ZNF609: variants seen among roughly 807,000 people sequenced by gnomAD.
ZNF609 encodes the protein zinc finger protein 609.
ZNF609 carries 11 observed loss-of-function variants against 109.5 expected under a neutral mutation model. The ratio of observed to expected loss-of-function variants is 0.10; its 90% confidence interval spans 0.06 to 0.17. The LOEUF (loss-of-function observed/expected upper bound fraction) is 0.17. Ranked by LOEUF, ZNF609 falls within the 10% of genes least tolerant of loss-of-function variation. ZNF609 has a pLI of 1.00. For synonymous variants in ZNF609, 646 were observed against 662.0 expected (o/e 0.98, Z 0.37); for missense variants, 1,559 against 1,772.4 (o/e 0.88, Z 2.16).
chr15:64,544,252 A>C (rs1425608667), intron 2 of ZNF609, among the ~76,000 whole-genome samples: 2 of 152,166 alleles, frequency 1.3e-5, no homozygotes, highest in Non-Finnish European at 2.9e-5. Flanking sequence ...AGGCAGGAGA[A>C]TCGCTTGAAC....
At chr15:64,587,379 C>T (rs969957843) in intron 2 of ZNF609, among the ~76,000 whole-genome samples, 1 of 34,340 alleles carries the variant, frequency 2.9e-5, no homozygotes, top group Non-Finnish European at 1.6e-4. Context: ...CCTAGCAGCA[C>T]AGTACCTATT....
chr15:64,591,103 CT>C (rs1388159981), intron 2 of ZNF609, among the ~76,000 whole-genome samples: 1 of 150,986 alleles, frequency 6.6e-6, no homozygotes, highest in African/African-American at 2.4e-5. Flanking sequence ...GGAGGCTGAG[CT>C]TGGGAGGATT....
chr15:64,529,075 C>T, intron 2 of ZNF609: 2 of 1,087,014 alleles, frequency 1.8e-6, no homozygotes, highest in East Asian at 2.4e-5. Context: ...GAGAGCCCTG[C>T]AGCCATCACG....
rs137986003 is a variant in ZNF609, at chr15:64,661,164, G to A, written c.974-9182G>A. On this transcript the variant is annotated intron_variant, in intron 3 of 9. Coordinates refer to ENST00000326648, the MANE Select transcript of ZNF609 (RefSeq NM_015042.2). Reference sequence around the variant, plus strand: ...TTTTGTAGAGACAGGGTTTCACCATGTTGGCCAGGCTGGTCTCGAACTCCT... The same window carrying A: ...TTTTGTAGAGACAGGGTTTCACCATATTGGCCAGGCTGGTCTCGAACTCCT... Among the ~76,000 whole-genome samples, 112 of 152,232 alleles carry A rather than the reference G, an allele frequency of 7.4e-4. No individual in the cohort carries two copies. In the East Asian group the frequency reaches 0.02, roughly 27 times the overall value.
chr15:64,489,931 G>A (rs1893388462), intron 1 of ZNF609, among the ~76,000 whole-genome samples: 1 of 151,734 alleles, frequency 6.6e-6, no homozygotes, highest in Admixed American at 6.6e-5. Context: ...ATTATGAGGG[G>A]AAGAGGCATG....
intron 1 of ZNF609, among the ~76,000 whole-genome samples, chr15:64,481,909 TG>T (rs1893259492): frequency 6.6e-6 from 1 of 152,072 alleles, no homozygotes; most frequent in Non-Finnish European, 1.5e-5. Context: ...CTCAGCCTCC[TG>T]AGTAGCTGGG....
chr15:64,530,732 A>G (rs1367782835), intron 2 of ZNF609, among the ~76,000 whole-genome samples: 2 of 152,248 alleles, frequency 1.3e-5, no homozygotes, highest in African/African-American at 4.8e-5. Context: ...GTAACTGCCA[A>G]GAGGTCTTCA....
At chr15:64,590,320 T>C (rs553484571) in intron 2 of ZNF609, among the ~76,000 whole-genome samples, 3 of 152,296 alleles carry the variant, frequency 2.0e-5, no homozygotes, top group South Asian at 4.1e-4. Flanking sequence ...TCTCTCTCTC[T>C]CTTTTGCTCT....
intron 2 of ZNF609, among the ~76,000 whole-genome samples, chr15:64,580,651 C>A (rs1281726154): frequency 6.6e-6 from 1 of 151,108 alleles, no homozygotes; most frequent in Non-Finnish European, 1.5e-5. Flanking sequence ...AAGTGATTCT[C>A]CTGCCTCAGC....
intron 2 of ZNF609, among the ~76,000 whole-genome samples, chr15:64,551,513 G>A (rs1225458878): frequency 2.0e-5 from 3 of 152,008 alleles, no homozygotes; most frequent in East Asian, 1.9e-4. Flanking sequence ...TTAGCTGGGC[G>A]TGGTAGTGCA....
At chr15:64,569,388 ATT>A (rs1894826377) in intron 2 of ZNF609, among the ~76,000 whole-genome samples, 1 of 152,234 alleles carries the variant, frequency 6.6e-6, no homozygotes, top group African/African-American at 2.4e-5. Flanking sequence ...CCTAATAAAT[ATT>A]TGTTGAATTA....
intron 1 of ZNF609, among the ~76,000 whole-genome samples, chr15:64,461,164 C>G (rs912686286): frequency 9.0e-5 from 11 of 122,478 alleles, no homozygotes; most frequent in Admixed American, 4.8e-4. Context: ...TGAGGCGAGT[C>G]TGGGTATGTT....
chr15:64,549,699 G>A (rs536645020), intron 2 of ZNF609, among the ~76,000 whole-genome samples: 1 of 152,232 alleles, frequency 6.6e-6, no homozygotes, highest in East Asian at 1.9e-4. Flanking sequence ...GGGAGACAGG[G>A]AGAAAGAAAG....
At chr15:64,557,422 A>C (rs1385967320) in intron 2 of ZNF609, among the ~76,000 whole-genome samples, 1 of 152,152 alleles carries the variant, frequency 6.6e-6, no homozygotes, top group Non-Finnish European at 1.5e-5. Flanking sequence ...AGGCTGAAGT[A>C]TGATACAGAG....
At chr15:64,534,346 C>G (rs912684052) in intron 2 of ZNF609, among the ~76,000 whole-genome samples, 2 of 149,538 alleles carry the variant, frequency 1.3e-5, no homozygotes, top group African/African-American at 4.9e-5. Context: ...GAGTCTCGCT[C>G]TGTCGCCCAG....
At position 64,681,682 on chromosome 15, in the gene ZNF609, T is replaced by G. The variant is rs2083210630; in HGVS notation, c.*6-10T>G. On this transcript the variant is annotated splice_polypyrimidine_tract_variant and intron_variant, in intron 9 of 9. Coordinates refer to ENST00000326648, the MANE Select transcript of ZNF609 (RefSeq NM_015042.2). ...GAGTGCCTGGTTATCTGTCCATGTT[T>G]CCCTTGCAGACACCAAGTGCCCGGA... The G allele has an allele frequency of 6.9e-6, 2 of 290,952 alleles. No homozygotes were observed. Among genetic ancestry groups the G allele is most frequent in the African/African-American group, 2.1e-5 (1 of 47,276 alleles). 18.0% of individuals were successfully genotyped at this position (290,952 alleles called of 1,614,324 possible). A position where few individuals can be genotyped will look rare whatever the true frequency, so the allele number is the denominator to read the frequency against.
At chr15:64,493,314 G>A (rs140488951) in intron 1 of ZNF609, among the ~76,000 whole-genome samples, 116 of 152,270 alleles carry the variant, frequency 7.6e-4, no homozygotes, top group African/African-American at 2.5e-3. Flanking sequence ...TACCCTTGTC[G>A]AAGGAGAGGC....
chr15:64,565,919 G>T (rs1330891384), intron 2 of ZNF609, among the ~76,000 whole-genome samples: 1 of 152,058 alleles, frequency 6.6e-6, no homozygotes, highest in Non-Finnish European at 1.5e-5. Flanking sequence ...TACAGTAATG[G>T]CTCACTGGAG....
chr15:64,664,441 GT>G (rs1180663361), intron 3 of ZNF609, among the ~76,000 whole-genome samples: 1 of 152,130 alleles, frequency 6.6e-6, no homozygotes, highest in East Asian at 1.9e-4. Flanking sequence ...TATTACTGCT[GT>G]TTTTTAGCAG....
Sources: allele counts gnomAD v4.1 joint callset (sites outside exome capture counted in the v4.1 genomes callset), GRCh38; gene constraint gnomAD v4.1.1; transcripts MANE v1.5; gene names NCBI Gene and HGNC (gene_info 2026-07-23, HGNC 2026-07-21).